The following MCM9 variants were observed in gnomAD, a reference collection of about 807,000 sequenced individuals.
MCM9 encodes DNA helicase MCM9.
In MCM9, 55 loss-of-function variants were observed where a neutral mutation model predicts 72.8. That is an observed-to-expected ratio of 0.76 (90% CI 0.61 to 0.95). The LOEUF (loss-of-function observed/expected upper bound fraction) is 0.95. Ranked by LOEUF, MCM9 falls within the 40% of genes least tolerant of loss-of-function variation. The pLI, the probability that MCM9 is intolerant of heterozygous loss-of-function variation, is 0.00. For missense variants in MCM9, 1,279 were observed against 1,377.0 expected, an observed-to-expected ratio of 0.93 and a Z score of 1.13; for synonymous variants, 480 against 503.4, an observed-to-expected ratio of 0.95 and a Z score of 0.62.
Position 118,923,952 on chromosome 6 carries a change from A to C in MCM9, c.480T>G (p.Phe160Leu). ...GCCGGCAAAAGGTGTAATACTGCTC[A>C]AAGTCAGCCTTGATCACAAACACAT... ...CKHVFVIKADFEQYYTFCRPS... is the reference protein window; with the variant it reads ...CKHVFVIKADLEQYYTFCRPS... The change falls in exon 4 of 14, where the codon TTT becomes TTG. Residue 160 changes from phenylalanine to leucine, a missense_variant. Transcript: ENST00000619706. The C allele has an allele frequency of 6.2e-7, 1 of 1,614,230 alleles. No individual in the cohort carries two copies. Among genetic ancestry groups the C allele is most frequent in the Middle Eastern group, 1.6e-4 (1 of 6,062 alleles).
In MCM9 at chr6:118,905,873, T is replaced by G. The variant is rs770997891; in HGVS notation, c.1150+5777A>C. 9 of 1,427,992 alleles carry G rather than the reference T, an allele frequency of 6.3e-6. No homozygotes were observed. In the South Asian group the frequency reaches 1.3e-4, roughly 20 times the overall value. 88.5% of individuals were successfully genotyped at this position (1,427,992 alleles called of 1,614,324 possible). On this transcript the variant is annotated intron_variant, in intron 8 of 13. Transcript: ENST00000619706. Reference sequence around the variant, plus strand: ...TTTTTAACTACTTTTACTATGCAATTTTTAAAGCAGTTGCTATTGCAATTT... The same window carrying G: ...TTTTTAACTACTTTTACTATGCAATGTTTAAAGCAGTTGCTATTGCAATTT...
chr6:118,884,323 GACA>G (rs1778467258), intron 8 of MCM9, among the ~76,000 whole-genome samples: 1 of 152,072 alleles, frequency 6.6e-6, no homozygotes, highest in Non-Finnish European at 1.5e-5. Context: ...GTATAGAATT[GACA>G]ACATTTCTGT....
At chr6:118,905,089 G>C (rs959772477) in intron 8 of MCM9, among the ~76,000 whole-genome samples, 1 of 152,152 alleles carries the variant, frequency 6.6e-6, no homozygotes, top group African/African-American at 2.4e-5. Context: ...ACCCACCTTG[G>C]CCTCCCAAAG....
chr6:118,815,998 C>T lies in MCM9; in HGVS notation c.2258G>A (p.Ser753Asn). 2 of 1,550,544 alleles carry T rather than the reference C, an allele frequency of 1.3e-6. No individual in the cohort carries two copies. The highest frequency in any genetic ancestry group is 1.7e-6 in the Non-Finnish European group (2 of 1,146,956). Residue 753 changes from serine (S) to asparagine (N), a missense_variant, in exon 14 of 14, where the codon AGT becomes AAT. Transcript: ENST00000619706. ...CACAACAACAGTGTTTTTAGGTTCA[C>T]TCTGATGAGTTGCCATGAAATCAAA... Reference protein sequence around the residue: ...DWFDFMATHQSEPKNTVVVSP... With the variant: ...DWFDFMATHQNEPKNTVVVSP...
chr6:118,851,651 C>A (rs1316638198), intron 9 of MCM9, among the ~76,000 whole-genome samples: 1 of 151,600 alleles, frequency 6.6e-6, no homozygotes, highest in African/African-American at 2.4e-5. Context: ...TTAAAATGCT[C>A]AGAAAAGTAA....
intron 9 of MCM9, among the ~76,000 whole-genome samples, chr6:118,848,321 C>T (rs968457962): frequency 1.3e-4 from 20 of 151,664 alleles, no homozygotes; most frequent in African/African-American, 4.9e-4. Flanking sequence ...ATTTAAAGTT[C>T]CCAAGTGAGG....
intron 8 of MCM9, among the ~76,000 whole-genome samples, chr6:118,864,206 C>A (rs1777077775): frequency 6.6e-6 from 1 of 152,074 alleles, no homozygotes; most frequent in African/African-American, 2.4e-5. Flanking sequence ...TTGTCCCTCA[C>A]CCCACTCCCA....
chr6:118,876,944 C>G (rs1032209564), intron 8 of MCM9, among the ~76,000 whole-genome samples: 1 of 152,214 alleles, frequency 6.6e-6, no homozygotes, highest in Non-Finnish European at 1.5e-5. Flanking sequence ...AGCTTTGTGA[C>G]TGCCTTGACC....
chr6:118,825,030 T>A (rs2114535562), intron 13 of MCM9, among the ~76,000 whole-genome samples: 1 of 152,378 alleles, frequency 6.6e-6, no homozygotes, highest in Non-Finnish European at 1.5e-5. Flanking sequence ...GCCATCTTTC[T>A]AATTCATAAC....
intron 11 of MCM9, among the ~76,000 whole-genome samples, chr6:118,827,559 A>T (rs1774245949): frequency 6.6e-6 from 1 of 152,226 alleles, no homozygotes; most frequent in Non-Finnish European, 1.5e-5. Context: ...AATGAGCAAG[A>T]ACTAGTGATG....
chr6:118,856,462 A>G lies in MCM9; in HGVS notation c.1234T>C (p.Cys412Arg), dbSNP rs956533473. The G allele has an allele frequency of 6.5e-7, 1 of 1,535,710 alleles. No homozygotes were observed. Among genetic ancestry groups the G allele is most frequent in the African/African-American group, 1.4e-5 (1 of 73,176 alleles). ...ALVLADAGLCCIDEFNSLKEH... is the reference protein window; with the variant it reads ...ALVLADAGLCRIDEFNSLKEH... Reference sequence around the variant, plus strand: ...TTGAGGCTATTGAACTCATCAATACAGCAAAGGCCCGCATCTGCAAGAACT... The same window carrying G: ...TTGAGGCTATTGAACTCATCAATACGGCAAAGGCCCGCATCTGCAAGAACT... Residue 412 changes from cysteine (C) to arginine (R), a missense_variant, in exon 9 of 14, where the codon TGT becomes CGT. Transcript: ENST00000619706.
chr6:118,913,303 C>T lies in MCM9; in HGVS notation c.1022G>A (p.Arg341Gln), dbSNP rs141321179. The T allele has an allele frequency of 1.5e-4, 243 of 1,613,940 alleles. No individual in the cohort carries two copies. The highest frequency in any genetic ancestry group is 2.8e-4 in the Admixed American group (17 of 59,980). ...GIQRTDATGT[R>Q]VRGESHLLLV... is the part of the protein sequence containing the mutation. ...TCTAAATAGGTACTAACCTCTGACC[C>T]GTGTTCCTGTAGCATCAGTCCTTTG... The change falls in exon 7 of 14, where the codon CGG becomes CAG. Residue 341 changes from arginine (R) to glutamine (Q), a missense_variant. Arg to Gln is a conservative substitution (Grantham distance 43). Transcript: ENST00000619706.
chr6:118,871,528 T>C (rs1411472352), intron 8 of MCM9, among the ~76,000 whole-genome samples: 1 of 152,198 alleles, frequency 6.6e-6, no homozygotes, highest in Non-Finnish European at 1.5e-5. Flanking sequence ...TTACATACAA[T>C]GGTGAAAAGT....
At chr6:118,845,711 G>C (rs1394009705) in intron 9 of MCM9, among the ~76,000 whole-genome samples, 4 of 151,734 alleles carry the variant, frequency 2.6e-5, no homozygotes, top group African/African-American at 9.7e-5. Flanking sequence ...TTGTAGGCCA[G>C]CTCATGATCT....
At chr6:118,840,444 C>T (rs1232083494) in intron 9 of MCM9, among the ~76,000 whole-genome samples, 2 of 152,130 alleles carry the variant, frequency 1.3e-5, no homozygotes, top group Non-Finnish European at 2.9e-5. Context: ...ATAATCTCTC[C>T]AGCAAGCTCC....
At position 118,834,174 on chromosome 6, in the gene MCM9, C is replaced by T. The variant is rs142009701; in HGVS notation, c.1326-4924G>A. On this transcript the variant is annotated intron_variant, in intron 9 of 13. Transcript: ENST00000619706. ...TGACGGTTTCCAGCTTCACTCATGT[C>T]CCTGCAAAGGACACGAATTCATCCT... is the stretch of plus-strand genomic sequence containing the variant. Among the ~76,000 whole-genome samples the T allele has an allele frequency of 1.8e-4, 28 of 152,260 alleles. No homozygotes were observed. In the East Asian group the frequency reaches 4.8e-3, roughly 26 times the overall value.
intron 3 of MCM9, among the ~76,000 whole-genome samples, chr6:118,930,616 G>T (rs1368285194): frequency 6.6e-6 from 1 of 152,194 alleles, no homozygotes; most frequent in East Asian, 1.9e-4. Flanking sequence ...GACTCTAGAA[G>T]TGGTTTGCAA....
intron 9 of MCM9, among the ~76,000 whole-genome samples, chr6:118,847,352 T>G (rs1775932906): frequency 6.7e-6 from 1 of 149,514 alleles, no homozygotes; most frequent in African/African-American, 2.5e-5. Flanking sequence ...TGTTCACTAT[T>G]TGGGCGATGG....
At chr6:118,838,159 CTTTTTTT>C (rs759862698) in intron 9 of MCM9, among the ~76,000 whole-genome samples, 1 of 119,710 alleles carries the variant, frequency 8.4e-6, no homozygotes, top group Non-Finnish European at 1.8e-5. Context: ...GTTGAAAATT[CTTTTTTT>C]TTTTTTTTTT....
Sources: gnomAD v4.1 joint callset for allele counts (sites outside exome capture counted in the v4.1 genomes callset) on GRCh38, gnomAD v4.1.1 for gene constraint, MANE v1.5 for transcripts, NCBI Gene and HGNC (gene_info 2026-07-23, HGNC 2026-07-21) for gene names.